The following ACBD6 variants were observed in gnomAD, a reference collection of about 807,000 sequenced individuals.
ACBD6 encodes the protein acyl-CoA-binding domain-containing protein 6.
In ACBD6, 28 loss-of-function variants were observed where a neutral mutation model predicts 37.2. That is an observed-to-expected ratio of 0.75 (90% CI 0.56 to 1.03). The LOEUF (loss-of-function observed/expected upper bound fraction) is 1.03, where lower values mean the gene tolerates loss of function less well. Ranked by LOEUF, ACBD6 falls within the 50% of genes least tolerant of loss-of-function variation. The pLI is 0.00. For synonymous variants in ACBD6, 113 were observed against 126.8 expected (o/e 0.89, Z 0.73); for missense variants, 340 against 337.4 (o/e 1.01, Z -0.06).
chr1:180,364,597 A>G (rs1652977861), intron 6 of ACBD6, among the ~76,000 whole-genome samples: 1 of 152,218 alleles, frequency 6.6e-6, no homozygotes, highest in Non-Finnish European at 1.5e-5. Context: ...GCACTTTCTG[A>G]AACAGAATAG....
At chr1:180,275,661 C>G (rs901274276) in intron 9 of ACBD6, 1 of 152,176 alleles carries the variant, frequency 6.6e-6, no homozygotes, top group Admixed American at 6.5e-5. Flanking sequence ...TTGGTCATTT[C>G]CAGGAACCAG....
intron 6 of ACBD6, among the ~76,000 whole-genome samples, chr1:180,352,875 T>C (rs1265529696): frequency 6.6e-6 from 1 of 152,208 alleles, no homozygotes; most frequent in African/African-American, 2.4e-5. Context: ...GTCTGAAACT[T>C]ACTGTCCCAG....
chr1:180,367,409 T>TGGG (rs982397211), intron 6 of ACBD6, among the ~76,000 whole-genome samples: 5 of 152,292 alleles, frequency 3.3e-5, no homozygotes, highest in African/African-American at 1.2e-4. Context: ...ATTTTAGATT[T>TGGG]GGGGGTACAT....
intron 3 of ACBD6, among the ~76,000 whole-genome samples, chr1:180,453,118 G>T (rs1649778113): frequency 6.6e-6 from 1 of 152,164 alleles, no homozygotes; most frequent in Non-Finnish European, 1.5e-5. Context: ...AACAGAAAAA[G>T]AAAATTTCAG....
At chr1:180,289,386 A>C (rs2149277293) in intron 7 of ACBD6, among the ~76,000 whole-genome samples, 1 of 152,342 alleles carries the variant, frequency 6.6e-6, no homozygotes, top group East Asian at 1.9e-4. Flanking sequence ...GGGAAATGAA[A>C]ATTAAAACCA....
At chr1:180,347,266 TA>T (rs1293184695) in intron 6 of ACBD6, among the ~76,000 whole-genome samples, 1 of 149,996 alleles carries the variant, frequency 6.7e-6, no homozygotes, top group East Asian at 2.0e-4. Flanking sequence ...CTGAAAACAA[TA>T]AAACTGTTTG....
At position 180,502,143 on chromosome 1, in the gene ACBD6, G is replaced by A. The variant is rs557185685; in HGVS notation, c.124C>T (p.Leu42=). The A allele has an allele frequency of 6.8e-6, 11 of 1,614,082 alleles. No homozygotes were observed. Among genetic ancestry groups the A allele is most frequent in the Admixed American group, 3.3e-5 (2 of 60,024 alleles). ...HSPEIEETSC[L]AELFEKAAAH... ...GCAGCCTTCTCAAACAGCTCGGCCA[G>A]GCAACTGGTCTCCTCGATCTCAGGG... is the stretch of plus-strand genomic sequence containing the variant. The change falls in exon 1 of 8, where the codon CTG becomes TTG. Residue 42 remains leucine (L), a synonymous_variant. Transcript: ENST00000367595.
intron 3 of ACBD6, among the ~76,000 whole-genome samples, chr1:180,469,483 T>C (rs142290504): frequency 8.5e-5 from 13 of 152,322 alleles, no homozygotes; most frequent in Middle Eastern, 3.4e-3. Flanking sequence ...GTTTTAAATC[T>C]AGGCCTTTAA....
intron 3 of ACBD6, among the ~76,000 whole-genome samples, chr1:180,440,357 TCTCAGCC>T (rs1649231801): frequency 6.6e-6 from 1 of 152,074 alleles, no homozygotes; most frequent in Non-Finnish European, 1.5e-5. Context: ...GATCTGCCCA[TCTCAGCC>T]TCCCAAAGTA....
chr1:180,404,646 T>C (rs567501515), intron 5 of ACBD6, among the ~76,000 whole-genome samples: 30 of 151,472 alleles, frequency 2.0e-4, no homozygotes, highest in Middle Eastern at 3.4e-3. Flanking sequence ...TTAGTAGAGA[T>C]GGGGTTTCAC....
intron 1 of ACBD6, among the ~76,000 whole-genome samples, chr1:180,498,778 A>G (rs1477354520): frequency 6.6e-6 from 1 of 152,086 alleles, no homozygotes; most frequent in Non-Finnish European, 1.5e-5. Flanking sequence ...GAATAGCTTG[A>G]ACCTAGGAGG....
intron 7 of ACBD6, among the ~76,000 whole-genome samples, chr1:180,299,884 C>A (rs1650065322): frequency 6.6e-6 from 1 of 151,816 alleles, no homozygotes. Flanking sequence ...ACAGGAGGAC[C>A]AATATCTGAA....
chr1:180,312,223 CCTT>C (rs1203189452), intron 7 of ACBD6, among the ~76,000 whole-genome samples: 1 of 152,070 alleles, frequency 6.6e-6, no homozygotes, highest in African/African-American at 2.4e-5. Context: ...GATTATTTCT[CCTT>C]CTACTTAGGT....
chr1:180,351,300 C>T (rs545980088), intron 6 of ACBD6, among the ~76,000 whole-genome samples: 29 of 141,502 alleles, frequency 2.0e-4, no homozygotes, highest in African/African-American at 7.1e-4. Flanking sequence ...TTTTTTGAGA[C>T]AGTCTTGCTC....
At chr1:180,293,953 G>A (rs1397178877) in intron 7 of ACBD6, among the ~76,000 whole-genome samples, 5 of 151,888 alleles carry the variant, frequency 3.3e-5, no homozygotes, top group African/African-American at 1.2e-4. Context: ...GGAGTGCAGT[G>A]GCACGATCTT....
rs1269469834 is a variant in ACBD6, at chr1:180,349,583, A to C, written c.664-34861T>G. On this transcript the variant is annotated intron_variant, in intron 6 of 7. Transcript: ENST00000367595. ...TAATTTCTTTAGTATAAAAAAATAA[A>C]TAAAATTTTTTTTAGTATAATAAAT... Among the ~76,000 whole-genome samples, 10 of 17,698 alleles carry C rather than the reference A, an allele frequency of 5.7e-4. 1 individual carries two copies. In the South Asian group the frequency reaches 0.018, roughly 32 times the overall value. 11.6% of individuals were successfully genotyped at this position (17,698 alleles called of 152,430 possible).
chr1:180,353,434 G>A (rs1652495124), intron 6 of ACBD6, among the ~76,000 whole-genome samples: 1 of 152,052 alleles, frequency 6.6e-6, no homozygotes. Flanking sequence ...TTTCATAGAA[G>A]ACAACTGCAA....
chr1:180,400,621 C>T (rs1647311290), intron 5 of ACBD6, among the ~76,000 whole-genome samples: 1 of 152,092 alleles, frequency 6.6e-6, no homozygotes, highest in African/African-American at 2.4e-5. Flanking sequence ...TGAACAAAAA[C>T]CAGCAAAATG....
At chr1:180,401,064 T>C (rs1647337971) in intron 5 of ACBD6, among the ~76,000 whole-genome samples, 1 of 152,356 alleles carries the variant, frequency 6.6e-6, no homozygotes, top group Non-Finnish European at 1.5e-5. Flanking sequence ...GACAATTCTT[T>C]GTTTCTAATT....
Sources: allele counts gnomAD v4.1 joint callset (sites outside exome capture counted in the v4.1 genomes callset), GRCh38; gene constraint gnomAD v4.1.1; transcripts MANE v1.5; gene names NCBI Gene and HGNC (gene_info 2026-07-23, HGNC 2026-07-21).